Variants in ABCB6 observed in about 807,000 individuals in gnomAD.
ABCB6 encodes ATP-binding cassette sub-family B member 6.
ABCB6 carries 87 observed loss-of-function variants against 99.4 expected under a neutral mutation model. The ratio of observed to expected loss-of-function variants is 0.88; its 90% confidence interval spans 0.74 to 1.05. The LOEUF (loss-of-function observed/expected upper bound fraction) is 1.05. ABCB6 is among the 50% of genes least tolerant of loss of function. The probability of loss-of-function intolerance (pLI) is 0.00; values close to 1 mark genes in which losing one functional copy is unlikely to be tolerated. For missense variants in ABCB6, 1,050 were observed against 1,097.9 expected (o/e 0.96, Z 0.62); for synonymous variants, 482 against 447.5 (o/e 1.08, Z -0.97).
rs145416517 is a variant in ABCB6 at position 219,214,695 on chromosome 2, G to A, written c.1277-197C>T. 8.8e-4 allele frequency: 553 copies of A among 626,698 alleles called. 2 individuals carry two copies. In the African/African-American group the frequency reaches 9.0e-3, roughly 10 times the overall value. 38.8% of individuals were successfully genotyped at this position (626,698 alleles called of 1,614,324 possible). A position where few individuals can be genotyped will look rare whatever the true frequency, so the allele number is the denominator to read the frequency against. ...CGCTTTTGGTAAATGAAAGCAAGCT[G>A]CATCTTGTTACACAAACGAGGCTTC... On this transcript the variant is annotated intron_variant, in intron 6 of 18. Transcript: ENST00000265316.
At position 219,209,854 on chromosome 2, in the gene ABCB6, A is replaced by C; in HGVS notation, c.*84T>G. On this transcript the variant is annotated 3_prime_UTR_variant, in exon 19 of 19. Coordinates refer to ENST00000265316, the MANE Select transcript of ABCB6 (RefSeq NM_005689.4). The stretch of plus-strand genomic sequence containing the variant: ...ACCATAGCTAGCACCATACCCCAAG[A>C]CCAGGATGAAATAAGCCAGGGAAAG... The C allele has an allele frequency of 9.3e-7, 1 of 1,071,640 alleles. No homozygotes were observed. Among genetic ancestry groups the C allele is most frequent in the Non-Finnish European group, 1.5e-6 (1 of 689,074 alleles). 66.4% of individuals were successfully genotyped at this position (1,071,640 alleles called of 1,614,324 possible).
Position 219,210,300 on chromosome 2 carries a change from T to C in ABCB6, c.2352-2A>G. The C allele has an allele frequency of 6.2e-6, 10 of 1,614,162 alleles. No homozygotes were observed. The highest frequency in any genetic ancestry group is 7.6e-6 in the Non-Finnish European group (9 of 1,180,024). Reference sequence around the variant, plus strand: ...TCAGCATTGACCACAGTTGAGAGCCTGAGAAGTCAAAGATCAGTCGCCTAC... The same window carrying C: ...TCAGCATTGACCACAGTTGAGAGCCCGAGAAGTCAAAGATCAGTCGCCTAC... On this transcript the variant is annotated splice_acceptor_variant, in intron 17 of 18. Transcript: ENST00000265316. LOFTEE classifies it high-confidence loss of function.
chr2:219,213,601 G>T lies in ABCB6; in HGVS notation c.1644C>A (p.Gly548=), dbSNP rs1392967228. Residue 548 remains glycine (G), a synonymous_variant, in exon 10 of 19, where the codon GGC becomes GGA. Coordinates refer to ENST00000265316, the MANE Select transcript of ABCB6 (RefSeq NM_005689.4). ...IQLYMPLNWF[G]TYYRMIQTNF... ...AGGGCTCAGATTACCTGTAGTAGGT[G>T]CCAAACCAATTGAGGGGCATGTACA... The T allele has an allele frequency of 1.2e-6, 2 of 1,614,166 alleles. No homozygotes were observed. The highest frequency in any genetic ancestry group is 1.7e-6 in the Non-Finnish European group (2 of 1,180,028).
chr2:219,213,294 G>A lies in ABCB6; in HGVS notation c.1752C>T (p.Arg584=), dbSNP rs756279217. 3.1e-6 allele frequency: 5 copies of A among 1,614,008 alleles called. No individual in the cohort carries two copies. The African/African-American group carries it at 5.3e-5, about 17-fold the overall frequency. ...CAAACTCAATACGGCCCTTCTGAAA[G>A]CGAAGGGGCCCTGCTCCAGGAAGGT... is the stretch of plus-strand genomic sequence containing the variant. ...VKDLPGAGPL[R]FQKGRIEFEN... Residue 584 remains arginine, a synonymous_variant, in exon 12 of 19, where the codon CGC becomes CGT. Coordinates refer to ENST00000265316, the MANE Select transcript of ABCB6 (RefSeq NM_005689.4).
At chr2:219,212,891 T>G (rs1020561390) in intron 13 of ABCB6, 117 bp downstream of exon 13, 26 of 1,169,116 alleles carry the variant, frequency 2.2e-5, no homozygotes, top group African/African-American at 1.5e-4. Flanking sequence ...CACCATTCAA[T>G]CCGGTTGCCT....
chr2:219,210,678 G>A, intron 16 of ABCB6, 33 bp downstream of exon 16: 2 of 1,612,838 alleles, frequency 1.2e-6, no homozygotes, highest in South Asian at 2.2e-5. Flanking sequence ...GCATACACAA[G>A]GCAGGAAGGA....
Position 219,210,045 on chromosome 2 carries a change from G to A in ABCB6, c.2422C>T (p.His808Tyr), listed in dbSNP as rs1290065198. 2 of 1,613,790 alleles carry A rather than the reference G, an allele frequency of 1.2e-6. No homozygotes were observed. The highest frequency in any genetic ancestry group is 2.7e-5 in the African/African-American group (2 of 74,906). ...CCACCTCGGGACAACAGAGCCTCGTGTCTGGGGTGAGGAGAAAAGTGTGAG... is the reference window on the plus strand; with the variant it reads ...CCACCTCGGGACAACAGAGCCTCGTATCTGGGGTGAGGAGAAAAGTGTGAG... ...KDGCIVERGR[H>Y]EALLSRGGVY... The change falls in exon 19 of 19, where the codon CAC becomes TAC. Residue 808 changes from histidine to tyrosine, a missense_variant and splice_region_variant. His to Tyr is a moderately conservative substitution (Grantham distance 83, BLOSUM62 2). Transcript: ENST00000265316.
At chr2:219,214,682 A>G in intron 6 of ABCB6, 184 bp from the exon 7 acceptor site, 1 of 632,860 alleles carries the variant, frequency 1.6e-6, no homozygotes, top group Non-Finnish European at 2.7e-6. Flanking sequence ...CTTTTGGTAA[A>G]TGAAAGCAAG....
rs1021788356 is a variant in ABCB6, at chr2:219,218,783, T to A, written c.-110A>T. 1 of 1,255,558 alleles carries A rather than the reference T, an allele frequency of 8.0e-7. No individual in the cohort carries two copies. Among genetic ancestry groups the A allele is most frequent in the South Asian group, 1.6e-5 (1 of 62,084 alleles). The allele number at this position is 1,255,558 out of a possible 1,614,324, so 77.8% of individuals were successfully genotyped here. ...CGGGTGCCTTGGCTCACGTAGCCGC[T>A]GGGCGCCAAGCTGCGGGGGTCCCGG... On this transcript the variant is annotated 5_prime_UTR_variant, in exon 1 of 19. Transcript: ENST00000265316.
rs1950607999 is a variant in ABCB6, at chr2:219,213,877, GA to G, written c.1526del (p.Leu509ProfsTer45). On this transcript the variant is annotated frameshift_variant, in exon 9 of 19. Transcript: ENST00000265316. LOFTEE classifies it high-confidence loss of function. ...QTQNLVIGLG[L>X]LAGSLLCAYF... The stretch of plus-strand genomic sequence containing the variant: ...ATGCGCAAAGCAGGGAGCCGGCGAG[GA>G]GCCCGAGCCCAATCACCAGGTTCTG... 1 of 1,614,044 alleles carries G rather than the reference GA, an allele frequency of 6.2e-7. No homozygotes were observed. The highest frequency in any genetic ancestry group is 1.1e-5 in the South Asian group (1 of 91,088).
chr2:219,218,724 C>A lies in ABCB6; in HGVS notation c.-51G>T. ...CTGCGGGCACTGCGGGACCGGAGGCCGGGACTGGTCACTCGGAGAGGGGCG... is the reference window on the plus strand; with the variant it reads ...CTGCGGGCACTGCGGGACCGGAGGCAGGGACTGGTCACTCGGAGAGGGGCG... On this transcript the variant is annotated 5_prime_UTR_variant, in exon 1 of 19. Transcript: ENST00000265316. 6.7e-7 allele frequency: 1 copy of A among 1,488,434 alleles called. No individual in the cohort carries two copies. The highest frequency in any genetic ancestry group is 8.9e-7 in the Non-Finnish European group (1 of 1,119,050). 92.2% of individuals were successfully genotyped at this position (1,488,434 alleles called of 1,614,324 possible). A position where few individuals can be genotyped will look rare whatever the true frequency, so the allele number is the denominator to read the frequency against.
chr2:219,218,057 C>G, intron 1 of ABCB6, 68 bp downstream of exon 1: 5 of 1,518,876 alleles, frequency 3.3e-6, no homozygotes, highest in Non-Finnish European at 3.5e-6. Flanking sequence ...AGCAGTGTGA[C>G]TGGACATGCA....
chr2:219,213,596 T>C lies in ABCB6; in HGVS notation c.1649A>G (p.Tyr550Cys), dbSNP rs1214358511. The change falls in exon 10 of 19, where the codon TAC (tyrosine) becomes TGC (cysteine). Residue 550 changes from tyrosine (Y) to cysteine (C), a missense_variant. Physicochemically the swap from Tyr to Cys is radical, Grantham distance 194. Transcript: ENST00000265316. ...GGGCCAGGGCTCAGATTACCTGTAG[T>C]AGGTGCCAAACCAATTGAGGGGCAT... ...LYMPLNWFGT[Y>C]YRMIQTNFID... 1 of 1,614,028 alleles carries C rather than the reference T, an allele frequency of 6.2e-7. No homozygotes were observed. The highest frequency in any genetic ancestry group is 8.5e-7 in the Non-Finnish European group (1 of 1,180,032).
chr2:219,214,525 A>C (rs1255252913), intron 6 of ABCB6, 27 bp from the exon 7 acceptor site: 2 of 1,510,328 alleles, frequency 1.3e-6, no homozygotes, highest in Middle Eastern at 1.7e-4. Context: ...TGGGGAGCAG[A>C]ATAGGACATC....
rs148899972 is a variant in ABCB6, at chr2:219,214,172, G to A, written c.1401C>T (p.Asn467=). The A allele has an allele frequency of 1.5e-5, 24 of 1,614,056 alleles. No homozygotes were observed. The highest frequency in any genetic ancestry group is 1.6e-4 in the Middle Eastern group (1 of 6,084). ...LLNFETVKYY[N]AESYEVERYR... is the part of the protein sequence containing the mutation. ...AGCGTTCCACTTCGTAACTCTCGGCGTTGTAATACTTCACCTGATGAATTC... is the reference window on the plus strand; with the variant it reads ...AGCGTTCCACTTCGTAACTCTCGGCATTGTAATACTTCACCTGATGAATTC... The change falls in exon 8 of 19, where the codon AAC becomes AAT. Residue 467 remains asparagine, a synonymous_variant. Coordinates refer to ENST00000265316, the MANE Select transcript of ABCB6 (RefSeq NM_005689.4).
chr2:219,216,249 T>C lies in ABCB6; in HGVS notation c.971-69A>G. ...GGGACGTCAGCCCAGCACCAGGATG[T>C]GAAAGGTCTGAGAGTACATGGGGGC... On this transcript the variant is annotated intron_variant, in intron 4 of 18. Coordinates refer to ENST00000265316, the MANE Select transcript of ABCB6 (RefSeq NM_005689.4). This position sits in a 1 kb window ranked among gnomAD's most constrained non-coding sequence, Gnocchi z 4.2. 1 of 1,569,906 alleles carries C rather than the reference T, an allele frequency of 6.4e-7. No individual in the cohort carries two copies. Among genetic ancestry groups the C allele is most frequent in the East Asian group, 2.3e-5 (1 of 43,594 alleles).
At position 219,210,393 on chromosome 2, in the gene ABCB6, A is replaced by C. The variant is rs767715022; in HGVS notation, c.2339T>G (p.Val780Gly). The C allele has an allele frequency of 6.2e-7, 1 of 1,614,190 alleles. No individual in the cohort carries two copies. The highest frequency in any genetic ancestry group is 1.1e-5 in the South Asian group (1 of 91,088). The change falls in exon 17 of 19, where the codon GTA (valine) becomes GGA (glycine). Residue 780 changes from valine (V) to glycine (G), a missense_variant. Transcript: ENST00000265316. The stretch of plus-strand genomic sequence containing the variant: ...TGTAGTCCTGTACCTGTGTGCCACT[A>C]CGATGGTGGTGCGGTTGGCACAGAC... ...AKVCANRTTI[V>G]VAHRLSTVVN...
chr2:219,218,801 G>T lies in ABCB6; in HGVS notation c.-128C>A. 1 of 1,115,032 alleles carries T rather than the reference G, an allele frequency of 9.0e-7. No individual in the cohort carries two copies. The highest frequency in any genetic ancestry group is 1.2e-6 in the Non-Finnish European group (1 of 814,994). 69.1% of individuals were successfully genotyped at this position (1,115,032 alleles called of 1,614,324 possible). ...TAGCCGCTGGGCGCCAAGCTGCGGG[G>T]GTCCCGGGAAGGGACGCACGTGGAC... On this transcript the variant is annotated 5_prime_UTR_variant, in exon 1 of 19. Coordinates refer to ENST00000265316, the MANE Select transcript of ABCB6 (RefSeq NM_005689.4).
intron 14 of ABCB6, 63 bp from the exon 15 acceptor site, chr2:219,211,171 G>A (rs1397863539): frequency 6.3e-7 from 1 of 1,585,732 alleles, no homozygotes; most frequent in African/African-American, 1.3e-5. Flanking sequence ...GAGGCAGGGT[G>A]GGCTGGCCGG....
Sources: allele counts gnomAD v4.1 joint callset, GRCh38; gene constraint gnomAD v4.1.1; non-coding constraint Gnocchi (gnomAD v3.1); transcripts MANE v1.5; gene names NCBI Gene and HGNC (gene_info 2026-07-23, HGNC 2026-07-21).